The following PCDHA1 variants were observed in gnomAD, a reference collection of about 807,000 sequenced individuals.
PCDHA1 encodes protocadherin alpha-1.
PCDHA1 carries 42 observed loss-of-function variants against 61.3 expected under a neutral mutation model. The ratio of observed to expected loss-of-function variants is 0.69; its 90% CI spans 0.54 to 0.89. The LOEUF is 0.89. PCDHA1 is among the 40% of genes least tolerant of loss of function. The probability of loss-of-function intolerance (pLI) is 0.00; values close to 1 mark genes in which losing one functional copy is unlikely to be tolerated. For synonymous variants in PCDHA1, 610 were observed against 553.8 expected (o/e 1.10, Z -1.43); for missense variants, 1,256 against 1,235.3 (o/e 1.02, Z -0.25).
intron 1 of PCDHA1, chr5:140,830,562 T>G (rs1411985813): frequency 4.0e-6 from 4 of 990,432 alleles, no homozygotes; most frequent in Admixed American, 6.9e-5. Context: ...GTCTTCTATA[T>G]TTCTGTTTTT....
chr5:140,969,148 G>A, intron 1 of PCDHA1: 2 of 1,614,102 alleles, frequency 1.2e-6, no homozygotes, highest in Non-Finnish European at 8.5e-7. Context: ...ACTGCTACAA[G>A]GCCTGTCTGA....
Position 141,009,727 on chromosome 5 carries a change from C to T in PCDHA1, c.2643C>T (p.Pro881=), listed in dbSNP as rs781880006. The part of the protein sequence containing the change: ...YGPGNPKQSG[P]GELPDKFIIP... ...CAGGCAACCCCAAACAATCCGGTCC[C>T]GGTGAGTTGCCCGACAAATTCATTA... Residue 881 remains proline, a synonymous_variant, in exon 4 of 4, where the codon CCC becomes CCT. Coordinates refer to ENST00000504120, the MANE Select transcript of PCDHA1 (RefSeq NM_018900.4). The T allele has an allele frequency of 3.1e-6, 5 of 1,614,022 alleles. No homozygotes were observed. The highest frequency in any genetic ancestry group is 2.2e-5 in the East Asian group (1 of 44,886).
At chr5:140,807,444 T>C in intron 1 of PCDHA1, 2 of 1,604,430 alleles carry the variant, frequency 1.2e-6, no homozygotes, top group Non-Finnish European at 1.7e-6. Context: ...ATTTTGTTTG[T>C]GAATTCTCGG....
In PCDHA1 at chr5:140,871,159, G is replaced by T. The variant is rs781816033; in HGVS notation, c.2394+82475G>T. Reference sequence around the variant, plus strand: ...CTCTTCCCGGACTTTGGCGGGCGCCGCGAGCCCAGAGGCTGCGCTGGTGGA... The same window carrying T: ...CTCTTCCCGGACTTTGGCGGGCGCCTCGAGCCCAGAGGCTGCGCTGGTGGA... On this transcript the variant is annotated intron_variant, in intron 1 of 3. Coordinates refer to ENST00000504120, the MANE Select transcript of PCDHA1 (RefSeq NM_018900.4). The T allele has an allele frequency of 1.6e-5, 26 of 1,613,450 alleles. No individual in the cohort carries two copies. The South Asian group carries it at 2.9e-4, about 18-fold the overall frequency.
chr5:140,889,547 T>C (rs2062267601), intron 1 of PCDHA1, among the ~76,000 whole-genome samples: 1 of 152,192 alleles, frequency 6.6e-6, no homozygotes, highest in Non-Finnish European at 1.5e-5. Context: ...TCTAATTTAC[T>C]TTTCTTCAGA....
intron 1 of PCDHA1, among the ~76,000 whole-genome samples, chr5:140,820,198 A>G (rs1000135835): frequency 7.9e-5 from 12 of 151,974 alleles, no homozygotes; most frequent in African/African-American, 2.9e-4. Context: ...TTTGTGTTTC[A>G]ACGATCCAAA....
In PCDHA1 at chr5:140,858,867, T is replaced by C. The variant is rs183298446; in HGVS notation, c.2394+70183T>C. 1.7e-4 allele frequency: 42 copies of C among 253,674 alleles called. No homozygotes were observed. In the East Asian group the frequency reaches 3.9e-3, roughly 24 times the overall value. 15.7% of individuals were successfully genotyped at this position (253,674 alleles called of 1,614,324 possible). ...CTGATCTATATCTCTTCAGTGAAAATGTGTTTTCCTCCATGTGTAGAATAT... is the reference window on the plus strand; with the variant it reads ...CTGATCTATATCTCTTCAGTGAAAACGTGTTTTCCTCCATGTGTAGAATAT... On this transcript the variant is annotated intron_variant, in intron 1 of 3. Coordinates refer to ENST00000504120, the MANE Select transcript of PCDHA1 (RefSeq NM_018900.4).
intron 1 of PCDHA1, chr5:140,795,210 C>T: frequency 3.7e-6 from 6 of 1,614,208 alleles, no homozygotes; most frequent in Non-Finnish European, 5.1e-6. Context: ...TGCAGAATGG[C>T]ATTTTGTTTG....
At chr5:140,970,135 G>C (rs1317802980) in intron 1 of PCDHA1, among the ~76,000 whole-genome samples, 1 of 152,016 alleles carries the variant, frequency 6.6e-6, no homozygotes, top group Non-Finnish European at 1.5e-5. Context: ...GAAGAGAAGG[G>C]AAAAAGAATT....
At chr5:140,883,913 G>T (rs782585121) in intron 1 of PCDHA1, 1 of 1,613,478 alleles carries the variant, frequency 6.2e-7, no homozygotes, top group South Asian at 1.1e-5. Context: ...GGGCAGCAAC[G>T]TGACGCTGCA....
At chr5:140,989,637 T>C (rs1274152423) in intron 3 of PCDHA1, among the ~76,000 whole-genome samples, 2 of 152,070 alleles carry the variant, frequency 1.3e-5, no homozygotes, top group African/African-American at 4.8e-5. Flanking sequence ...ACAGCAAGGG[T>C]CTTTCATGGC....
intron 1 of PCDHA1, among the ~76,000 whole-genome samples, chr5:140,790,226 G>C (rs560557058): frequency 9.2e-5 from 14 of 152,260 alleles, no homozygotes; most frequent in African/African-American, 3.1e-4. Flanking sequence ...TAGCAGTTTT[G>C]CAAAACCCAC....
chr5:140,962,046 G>A (rs2095653396), intron 1 of PCDHA1, among the ~76,000 whole-genome samples: 1 of 151,964 alleles, frequency 6.6e-6, no homozygotes, highest in African/African-American at 2.4e-5. Flanking sequence ...ACCATGCCTG[G>A]CTAATTTTTT....
intron 1 of PCDHA1, chr5:140,856,830 T>C (rs1554149191): frequency 2.5e-6 from 4 of 1,592,726 alleles, no homozygotes; most frequent in Non-Finnish European, 3.4e-6. Context: ...ACATTAGTAA[T>C]ACGGCTCAAC....
intron 1 of PCDHA1, among the ~76,000 whole-genome samples, chr5:140,958,399 T>C (rs1554223458): frequency 6.6e-6 from 1 of 152,178 alleles, no homozygotes; most frequent in African/African-American, 2.4e-5. Flanking sequence ...CATCAAACAT[T>C]ATCACTGATG....
intron 1 of PCDHA1, chr5:140,827,981 T>G (rs1359301062): frequency 2.8e-6 from 4 of 1,422,902 alleles, no homozygotes; most frequent in Non-Finnish European, 3.8e-6. Flanking sequence ...ATTCCCTGAC[T>G]GTTGAATGAT....
chr5:140,829,811 G>A (rs2150175266), intron 1 of PCDHA1: 4 of 1,613,910 alleles, frequency 2.5e-6, no homozygotes, highest in South Asian at 1.1e-5. Flanking sequence ...GGGTGGTACT[G>A]GTGGTGCAGT....
In PCDHA1 at chr5:140,788,185, G is replaced by A. The variant is rs371682536; in HGVS notation, c.1895G>A (p.Ser632Asn). Residue 632 changes from serine (S) to asparagine (N), a missense_variant, in exon 1 of 4, where the codon AGC becomes AAC. By Grantham distance (46) the Ser-to-Asn change is conservative. Coordinates refer to ENST00000504120, the MANE Select transcript of PCDHA1 (RefSeq NM_018900.4). Reference sequence around the variant, plus strand: ...GTGGGGCTGTACACGGGCGAGATCAGCACGACTCGTGTCCTGGACGAGGCT... The same window carrying A: ...GTGGGGCTGTACACGGGCGAGATCAACACGACTCGTGTCCTGGACGAGGCT... ...FRVGLYTGEI[S>N]TTRVLDEADL... 11 of 1,614,054 alleles carry A rather than the reference G, an allele frequency of 6.8e-6. No individual in the cohort carries two copies. The East Asian group carries it at 1.8e-4, about 26-fold the overall frequency.
intron 1 of PCDHA1, among the ~76,000 whole-genome samples, chr5:140,961,237 G>A (rs1170465013): frequency 1.3e-5 from 2 of 152,136 alleles, no homozygotes; most frequent in African/African-American, 4.8e-5. Context: ...AAAAGGTGAT[G>A]GAATTTATCC....
Sources: allele counts gnomAD v4.1 joint callset (sites outside exome capture counted in the v4.1 genomes callset), GRCh38; gene constraint gnomAD v4.1.1; transcripts MANE v1.5; gene names NCBI Gene and HGNC (gene_info 2026-07-23, HGNC 2026-07-21).